The following NGEF variants were observed in gnomAD, a reference collection of about 807,000 sequenced individuals.
NGEF encodes the protein ephexin-1.
In NGEF, 31 loss-of-function variants were observed where a neutral mutation model predicts 80.9. The ratio of observed to expected loss-of-function variants is 0.38; its 90% CI spans 0.29 to 0.52. NGEF has a LOEUF of 0.52. Among genes scored for constraint, NGEF ranks in the 20% least tolerant of loss-of-function variants. NGEF has a pLI of 0.84. For synonymous variants in NGEF, 371 were observed against 370.2 expected, an observed-to-expected ratio of 1.00 and a Z score of -0.03; for missense variants, 709 against 926.2, an observed-to-expected ratio of 0.77 and a Z score of 3.04.
At chr2:232,935,701 T>A (rs1049000162) in intron 3 of NGEF, among the ~76,000 whole-genome samples, 2 of 152,240 alleles carry the variant, frequency 1.3e-5, no homozygotes, top group African/African-American at 4.8e-5. Context: ...AACACTATAT[T>A]GTAGAAAATA....
In NGEF at chr2:232,920,446, C is replaced by A; in HGVS notation, c.666G>T (p.Glu222Asp). ...GTGGGCTGGCCGGCTCCTCCTCCTC[C>A]TCCTCTTCTTCTTCCTCCTCCGGGG... is the stretch of plus-strand genomic sequence containing the variant. Reference protein sequence around the residue: ...EDTPEEEEEEEEEEEPASPPE... With the variant: ...EDTPEEEEEEDEEEEPASPPE... The change falls in exon 5 of 15, where the codon GAG becomes GAT. Residue 222 changes from glutamate (E) to aspartate (D), a missense_variant. Glu to Asp is a conservative substitution (Grantham distance 45, BLOSUM62 2). Coordinates refer to ENST00000264051, the MANE Select transcript of NGEF (RefSeq NM_019850.3). 6.2e-7 allele frequency: 1 copy of A among 1,613,960 alleles called. No individual in the cohort carries two copies. Among genetic ancestry groups the A allele is most frequent in the Non-Finnish European group, 8.5e-7 (1 of 1,179,910 alleles).
chr2:232,884,308 T>G (rs1178436583), intron 10 of NGEF, among the ~76,000 whole-genome samples, 164 bp from the exon 11 acceptor site: 4 of 152,052 alleles, frequency 2.6e-5, no homozygotes, highest in Non-Finnish European at 5.9e-5. Flanking sequence ...TGCAGAGAGA[T>G]GGCAGGGCTG....
Position 232,879,440 on chromosome 2 carries a change from T to A in NGEF, c.*49A>T. On this transcript the variant is annotated 3_prime_UTR_variant, in exon 15 of 15. Coordinates refer to ENST00000264051, the MANE Select transcript of NGEF (RefSeq NM_019850.3). ...CCAGAGCCCCCCCCCCCCCACCTTC[T>A]GTCGGGGTCTCATGCAGGCCCTGCT... The A allele has an allele frequency of 8.9e-7, 1 of 1,123,700 alleles. No homozygotes were observed. The highest frequency in any genetic ancestry group is 1.3e-6 in the Non-Finnish European group (1 of 788,268). The allele number at this position is 1,123,700 out of a possible 1,614,324, so 69.6% of individuals were successfully genotyped here.
chr2:232,922,570 C>T (rs906872174), intron 4 of NGEF, among the ~76,000 whole-genome samples: 1 of 152,200 alleles, frequency 6.6e-6, no homozygotes, highest in Non-Finnish European at 1.5e-5. Context: ...GACGTCACCA[C>T]CTCCATCAGT....
chr2:232,942,242 C>A lies in NGEF; in HGVS notation c.384-15056G>T, dbSNP rs1693451980. 1.3e-5 allele frequency among the ~76,000 whole-genome samples: 2 copies of A among 152,310 alleles called. 1 individual carries two copies. The highest frequency in any genetic ancestry group is 4.1e-4 in the South Asian group (2 of 4,828). On this transcript the variant is annotated intron_variant, in intron 3 of 14. Coordinates refer to ENST00000264051, the MANE Select transcript of NGEF (RefSeq NM_019850.3). ...GCACTTCACCTGGGCTATCAGAAAC[C>A]CTGATCACTTTATTGGGAAGTTAAC...
At chr2:233,008,480 T>A (rs1695134817) in intron 1 of NGEF, among the ~76,000 whole-genome samples, 1 of 152,180 alleles carries the variant, frequency 6.6e-6, no homozygotes, top group African/African-American at 2.4e-5. Context: ...AACTTGTACA[T>A]AAGATAGAGC....
At position 232,887,180 on chromosome 2, in the gene NGEF, C is replaced by T. The variant is rs114020968; in HGVS notation, c.1347+853G>A. On this transcript the variant is annotated intron_variant, in intron 9 of 14. Coordinates refer to ENST00000264051, the MANE Select transcript of NGEF (RefSeq NM_019850.3). ...GGACATCCCCCGCCTTGCTCTCCAC[C>T]ATGACGGCGTCACTGGCTCAATGGA... Among the ~76,000 whole-genome samples the T allele has an allele frequency of 9.7e-3, 1,476 of 152,322 alleles. 25 individuals are homozygous for T. Among genetic ancestry groups the T allele is most frequent in the African/African-American group, 0.033 (1,376 of 41,556 alleles).
At position 232,888,463 on chromosome 2, in the gene NGEF, CTT is replaced by C. The variant is rs370366962; in HGVS notation, c.1273-358_1273-357del. 2.4e-3 allele frequency among the ~76,000 whole-genome samples: 360 copies of C among 152,316 alleles called. 1 individual carries two copies. The highest frequency in any genetic ancestry group is 8.2e-3 in the African/African-American group (341 of 41,566). Reference sequence around the variant, plus strand: ...ACATGCACAACACGATGCATGCACACTTGCAAGCACAGTGCACACACATGTAC... The same window carrying C: ...ACATGCACAACACGATGCATGCACACGCAAGCACAGTGCACACACATGTAC... On this transcript the variant is annotated intron_variant, in intron 8 of 14. Transcript: ENST00000264051.
At chr2:232,881,656 C>T (rs1280722583) in intron 13 of NGEF, among the ~76,000 whole-genome samples, 2 of 152,166 alleles carry the variant, frequency 1.3e-5, no homozygotes, top group Admixed American at 6.5e-5. Flanking sequence ...AATCTCAGCT[C>T]ACTGCAACCT....
chr2:232,993,098 A>T (rs370407527), intron 1 of NGEF, among the ~76,000 whole-genome samples: 3 of 93,644 alleles, frequency 3.2e-5, no homozygotes, highest in African/African-American at 7.0e-5. Flanking sequence ...TATATATATA[A>T]ATAAATAAAT....
intron 1 of NGEF, among the ~76,000 whole-genome samples, chr2:232,992,971 A>G (rs994444584): frequency 1.4e-5 from 2 of 146,710 alleles, no homozygotes; most frequent in African/African-American, 5.1e-5. Flanking sequence ...TGGGTGATAG[A>G]GCGAGACCCT....
At chr2:232,993,117 A>ATTATATATC (rs1694686989) in intron 1 of NGEF, among the ~76,000 whole-genome samples, 1 of 40,328 alleles carries the variant, frequency 2.5e-5, no homozygotes, top group African/African-American at 9.4e-5. Context: ...ATATATATAT[A>ATTATATATC]TAAATAAATA....
chr2:232,932,228 G>A (rs920146855), intron 3 of NGEF, among the ~76,000 whole-genome samples: 4 of 145,428 alleles, frequency 2.8e-5, no homozygotes, highest in Admixed American at 1.4e-4. Context: ...GCAGTGGCAC[G>A]ATTTTGGTTC....
intron 1 of NGEF, among the ~76,000 whole-genome samples, chr2:233,008,115 G>C (rs954291594): frequency 1.3e-5 from 2 of 152,224 alleles, no homozygotes; most frequent in East Asian, 3.9e-4. Context: ...CATATGTGAG[G>C]GTTCTAAAAA....
chr2:232,943,518 C>T lies in NGEF; in HGVS notation c.384-16332G>A, dbSNP rs781030944. Among the ~76,000 whole-genome samples the T allele has an allele frequency of 8.4e-4, 115 of 136,310 alleles. 1 individual carries two copies. Among genetic ancestry groups the T allele is most frequent in the African/African-American group, 2.2e-3 (81 of 36,898 alleles). 89.4% of individuals were successfully genotyped at this position (136,310 alleles called of 152,430 possible). A position where few individuals can be genotyped will look rare whatever the true frequency, so the allele number is the denominator to read the frequency against. On this transcript the variant is annotated intron_variant, in intron 3 of 14. Coordinates refer to ENST00000264051, the MANE Select transcript of NGEF (RefSeq NM_019850.3). Reference sequence around the variant, plus strand: ...CTCTACATTTTTTTTTTTTTTGAGACGGAGTCTCACTCTGTCGCCCAGGCT... The same window carrying T: ...CTCTACATTTTTTTTTTTTTTGAGATGGAGTCTCACTCTGTCGCCCAGGCT...
intron 1 of NGEF, among the ~76,000 whole-genome samples, chr2:233,007,142 G>T (rs1695100937): frequency 6.6e-6 from 1 of 152,130 alleles, no homozygotes; most frequent in African/African-American, 2.4e-5. Context: ...TACTTGGGAG[G>T]CTGAGATGGG....
chr2:232,884,270 TGGG>T (rs1436384636), intron 10 of NGEF, 126 bp from the exon 11 acceptor site: 13 of 1,147,868 alleles, frequency 1.1e-5, no homozygotes, highest in African/African-American at 3.1e-5. Context: ...AGGCACAAGT[TGGG>T]GGGAAAGGCC....
At chr2:232,990,077 A>G (rs960527853) in intron 1 of NGEF, among the ~76,000 whole-genome samples, 2 of 152,194 alleles carry the variant, frequency 1.3e-5, no homozygotes, top group African/African-American at 4.8e-5. Context: ...CAGCATAATG[A>G]GACATAAAAC....
intron 5 of NGEF, among the ~76,000 whole-genome samples, chr2:232,904,848 A>T (rs939321454): frequency 6.6e-6 from 1 of 152,094 alleles, no homozygotes; most frequent in Admixed American, 6.5e-5. Flanking sequence ...TGAGAGGCTG[A>T]GGCAGGACAG....
Sources: allele counts gnomAD v4.1 joint callset (sites outside exome capture counted in the v4.1 genomes callset), GRCh38; gene constraint gnomAD v4.1.1; transcripts MANE v1.5; gene names NCBI Gene and HGNC (gene_info 2026-07-23, HGNC 2026-07-21).